The following AUTS2 variants were observed in gnomAD, a reference collection of about 807,000 sequenced individuals.
The protein encoded by AUTS2 is activator of transcription and developmental regulator AUTS2, also known as autism susceptibility gene 2 protein.
Under a neutral mutation model 112.4 loss-of-function variants are expected in AUTS2, and 17 were observed. The ratio of observed to expected loss-of-function variants is 0.15; its 90% CI spans 0.10 to 0.23. The LOEUF (loss-of-function observed/expected upper bound fraction) is 0.23, where lower values mean the gene tolerates loss of function less well. Among genes scored for constraint, AUTS2 ranks in the 10% least tolerant of loss-of-function variants. The probability of loss-of-function intolerance (pLI) is 1.00; values close to 1 mark genes in which losing one functional copy is unlikely to be tolerated. For synonymous variants in AUTS2, 751 were observed against 702.7 expected (o/e 1.07, Z -1.09); for missense variants, 1,510 against 1,701.6 (o/e 0.89, Z 1.98).
chr7:70,274,328 TG>T (rs1324954789), intron 4 of AUTS2, among the ~76,000 whole-genome samples: 1 of 152,152 alleles, frequency 6.6e-6, no homozygotes, highest in East Asian at 1.9e-4. Context: ...GGTCTTGCTT[TG>T]TTGCTCAGGC....
chr7:69,928,718 G>A (rs554633135), intron 2 of AUTS2, among the ~76,000 whole-genome samples: 65 of 152,156 alleles, frequency 4.3e-4, no homozygotes, highest in African/African-American at 1.4e-3. Context: ...AGGGCTTCCC[G>A]AGCCCCCAAG....
chr7:69,813,053 C>T (rs528447587), intron 1 of AUTS2, among the ~76,000 whole-genome samples: 174 of 152,296 alleles, frequency 1.1e-3, no homozygotes, highest in Non-Finnish European at 1.7e-3. Flanking sequence ...ACCTTACTTA[C>T]CATGGCCTAC....
chr7:70,777,249 TGAA>T (rs1790765750), intron 14 of AUTS2, 75 bp downstream of exon 14: 2 of 1,344,458 alleles, frequency 1.5e-6, no homozygotes, highest in Non-Finnish European at 2.1e-6. Flanking sequence ...GAGAACCTGA[TGAA>T]GGAGGCATTT....
intron 2 of AUTS2, among the ~76,000 whole-genome samples, chr7:70,053,544 G>GTTTTTTTTTTTTTTTTTGTTTTTT (rs200867539): frequency 7.8e-6 from 1 of 127,848 alleles, no homozygotes; most frequent in South Asian, 2.4e-4. Context: ...GTTTTGGGTG[G>GTTTTTTTTTTTTTTTTTGTTTTTT]TTTTTTTTTT....
chr7:69,868,635 T>C (rs1562938643), intron 1 of AUTS2, among the ~76,000 whole-genome samples: 1 of 152,236 alleles, frequency 6.6e-6, no homozygotes, highest in Non-Finnish European at 1.5e-5. Context: ...CTTTGCTTTT[T>C]ACCAAGCCTG....
intron 2 of AUTS2, among the ~76,000 whole-genome samples, chr7:69,903,796 G>A (rs1319531200): frequency 6.6e-6 from 1 of 152,192 alleles, no homozygotes; most frequent in Non-Finnish European, 1.5e-5. Flanking sequence ...TATTTCAGGA[G>A]CCTGTTAGTA....
intron 5 of AUTS2, among the ~76,000 whole-genome samples, chr7:70,646,206 G>A (rs374618537): frequency 2.0e-5 from 3 of 152,138 alleles, no homozygotes; most frequent in Admixed American, 1.3e-4. Flanking sequence ...ACTCCTGCCT[G>A]ATCAATTTGT....
chr7:70,693,830 G>GCGCC (rs1808887570), intron 5 of AUTS2, among the ~76,000 whole-genome samples: 1 of 152,170 alleles, frequency 6.6e-6, no homozygotes, highest in Admixed American at 6.5e-5. Context: ...AGTTTCCGCC[G>GCGCC]CGCCCGCCCG....
chr7:70,406,583 ATC>A (rs1009345255), intron 4 of AUTS2, among the ~76,000 whole-genome samples: 1 of 152,108 alleles, frequency 6.6e-6, no homozygotes, highest in African/African-American at 2.4e-5. Flanking sequence ...CTCCCCCATC[ATC>A]TCTGTTAGCC....
At chr7:70,140,326 T>C (rs962726810) in intron 4 of AUTS2, among the ~76,000 whole-genome samples, 5 of 152,180 alleles carry the variant, frequency 3.3e-5, no homozygotes, top group African/African-American at 1.2e-4. Context: ...GATATTGCAG[T>C]TCCATCATTC....
intron 1 of AUTS2, among the ~76,000 whole-genome samples, chr7:69,632,590 T>G (rs1794304368): frequency 9.3e-6 from 1 of 107,164 alleles, no homozygotes. Context: ...CCCTCTCCCC[T>G]CTGCCTTCTC....
intron 5 of AUTS2, among the ~76,000 whole-genome samples, chr7:70,623,648 A>G (rs1412617937): frequency 6.6e-6 from 1 of 152,222 alleles, no homozygotes; most frequent in Admixed American, 6.5e-5. Flanking sequence ...TCACGTGTTC[A>G]GGGGATCACT....
chr7:70,125,199 TTCTATAAACATTAC>T (rs1485596785), intron 3 of AUTS2, among the ~76,000 whole-genome samples: 2 of 151,942 alleles, frequency 1.3e-5, no homozygotes, highest in Non-Finnish European at 2.9e-5. Context: ...TATTTCTGGT[TTCTATAAACATTAC>T]TCATTTTGGG....
chr7:70,063,033 G>A (rs1028106068), intron 2 of AUTS2, among the ~76,000 whole-genome samples: 3 of 152,132 alleles, frequency 2.0e-5, no homozygotes, highest in Non-Finnish European at 4.4e-5. Context: ...TTTGTGCCTT[G>A]TTTGTGTATG....
chr7:70,324,478 T>G (rs1396880644), intron 4 of AUTS2, among the ~76,000 whole-genome samples: 1 of 151,984 alleles, frequency 6.6e-6, no homozygotes, highest in Non-Finnish European at 1.5e-5. Flanking sequence ...TAAAATTGAC[T>G]GGGTGGGGTG....
intron 1 of AUTS2, among the ~76,000 whole-genome samples, chr7:69,669,558 A>G (rs1796219413): frequency 6.6e-6 from 1 of 152,158 alleles, no homozygotes; most frequent in African/African-American, 2.4e-5. Flanking sequence ...TGTTATAAAT[A>G]ACATGTATTT....
intron 1 of AUTS2, among the ~76,000 whole-genome samples, chr7:69,850,367 C>G (rs1484013966): frequency 7.5e-6 from 1 of 133,810 alleles, no homozygotes; most frequent in East Asian, 2.2e-4. Context: ...CTACTGCACT[C>G]CAGCCTGGGC....
intron 1 of AUTS2, among the ~76,000 whole-genome samples, chr7:69,788,413 G>A (rs1789471366): frequency 6.6e-6 from 1 of 152,138 alleles, no homozygotes; most frequent in Non-Finnish European, 1.5e-5. Flanking sequence ...CTAAAATAGA[G>A]GCTTCAGGGG....
intron 4 of AUTS2, among the ~76,000 whole-genome samples, chr7:70,415,624 C>T (rs760217562): frequency 1.3e-5 from 2 of 152,140 alleles, no homozygotes; most frequent in Middle Eastern, 3.2e-3. Flanking sequence ...AAGTGGCTAC[C>T]GTAAGTGGCC....
Sources: allele counts gnomAD v4.1 joint callset (sites outside exome capture counted in the v4.1 genomes callset), GRCh38; gene constraint gnomAD v4.1.1; transcripts MANE v1.5; gene names NCBI Gene and HGNC (gene_info 2026-07-23, HGNC 2026-07-21).